Variants in RGS6 observed in about 807,000 individuals in gnomAD.
The protein encoded by RGS6 is regulator of G protein signaling 6.
In RGS6, 30 loss-of-function variants were observed where a neutral mutation model predicts 78.5. The ratio of observed to expected loss-of-function variants is 0.38; its 90% CI spans 0.29 to 0.52. The LOEUF is 0.52. Ranked by LOEUF, RGS6 falls within the 20% of genes least tolerant of loss-of-function variation. The probability of loss-of-function intolerance (pLI) is 0.85; values close to 1 mark genes in which losing one functional copy is unlikely to be tolerated. For synonymous variants in RGS6, 206 were observed against 206.0 expected (o/e 1.00, Z 0.00); for missense variants, 495 against 609.7 (o/e 0.81, Z 1.98).
chr14:72,052,759 G>A (rs2093327329), intron 2 of RGS6, among the ~76,000 whole-genome samples: 1 of 152,048 alleles, frequency 6.6e-6, no homozygotes, highest in Non-Finnish European at 1.5e-5. Flanking sequence ...GGTTTTGTAA[G>A]TAAGGAAGTG....
At chr14:72,597,881 G>C in the RGS6 span, among the ~76,000 whole-genome samples, 1 of 152,176 alleles carries the variant, frequency 6.6e-6, no homozygotes, top group Non-Finnish European at 1.5e-5. Flanking sequence ...GCTGAGAAGA[G>C]AGATGGAGGG....
chr14:72,363,996 G>A (rs847329), intron 3 of RGS6, among the ~76,000 whole-genome samples: 50,713 of 110,386 alleles, frequency 0.46, 12,321 homozygotes, highest in African/African-American at 0.73. Context: ...CAGTGGACAA[G>A]GCTAAAAAAA....
At chr14:72,618,496 C>T in the RGS6 span, among the ~76,000 whole-genome samples, 12 of 152,202 alleles carry the variant, frequency 7.9e-5, no homozygotes, top group Admixed American at 5.2e-4. Context: ...TGACTGGTCT[C>T]ACCTAAAGGA....
At chr14:72,315,238 G>A (rs750738647) in intron 2 of RGS6, among the ~76,000 whole-genome samples, 10 of 152,182 alleles carry the variant, frequency 6.6e-5, no homozygotes, top group Non-Finnish European at 1.3e-4. Flanking sequence ...GAAGCTGTGC[G>A]GGATAATTCA....
intron 2 of RGS6, among the ~76,000 whole-genome samples, chr14:72,128,810 C>A (rs561934073): frequency 6.6e-6 from 1 of 152,150 alleles, no homozygotes. Context: ...ACAACGTATG[C>A]GTGTGCATCT....
intron 2 of RGS6, among the ~76,000 whole-genome samples, chr14:72,262,304 C>T (rs563842243): frequency 3.3e-5 from 5 of 152,186 alleles, no homozygotes; most frequent in South Asian, 4.2e-4. Flanking sequence ...AGTTTATTTT[C>T]TCACAGTTCT....
At chr14:72,114,700 G>A (rs576959661) in intron 2 of RGS6, among the ~76,000 whole-genome samples, 1 of 152,300 alleles carries the variant, frequency 6.6e-6, no homozygotes. Flanking sequence ...CAGAATCAGA[G>A]TTGCAAAATA....
chr14:72,536,079 T>C, intron 15 of RGS6, 107 bp from the exon 16 acceptor site: 1 of 837,728 alleles, frequency 1.2e-6, no homozygotes, highest in Non-Finnish European at 2.0e-6. Flanking sequence ...CAAACATACC[T>C]AGGTTCCTTC....
the RGS6 span, among the ~76,000 whole-genome samples, chr14:71,872,785 C>A: frequency 7.2e-5 from 11 of 152,038 alleles, no homozygotes; most frequent in Non-Finnish European, 1.3e-4. Context: ...TAATGCTATC[C>A]CTCTCCCATT....
chr14:72,557,233 G>GTGTT (rs55681583), intron 17 of RGS6, among the ~76,000 whole-genome samples: 2 of 152,182 alleles, frequency 1.3e-5, no homozygotes, highest in African/African-American at 2.4e-5. Context: ...AATTTAAAAA[G>GTGTT]TGTTTTGAAA....
At chr14:72,103,399 A>C (rs910021283) in intron 2 of RGS6, among the ~76,000 whole-genome samples, 3 of 152,320 alleles carry the variant, frequency 2.0e-5, no homozygotes, top group African/African-American at 7.2e-5. Context: ...TATCTGTGCA[A>C]CTTAATACCC....
chr14:72,078,822 C>T (rs1314020326), intron 2 of RGS6, among the ~76,000 whole-genome samples: 1 of 152,188 alleles, frequency 6.6e-6, no homozygotes, highest in Non-Finnish European at 1.5e-5. Flanking sequence ...CCAACTTTAT[C>T]TACCCATCAC....
chr14:72,591,306 G>A, the RGS6 span, among the ~76,000 whole-genome samples: 2 of 152,178 alleles, frequency 1.3e-5, no homozygotes, highest in African/African-American at 4.8e-5. Flanking sequence ...ATTCAATTAT[G>A]TGAAACAACA....
chr14:72,502,186 T>C (rs2096735387), intron 13 of RGS6, among the ~76,000 whole-genome samples: 1 of 152,222 alleles, frequency 6.6e-6, no homozygotes, highest in Non-Finnish European at 1.5e-5. Context: ...CTGCCATGCT[T>C]GGAGAAGCCC....
chr14:71,990,145 C>T (rs915490015), intron 2 of RGS6, among the ~76,000 whole-genome samples: 21 of 152,118 alleles, frequency 1.4e-4, no homozygotes, highest in African/African-American at 5.1e-4. Flanking sequence ...AATCCCATCT[C>T]GCCAGAGTGA....
intron 17 of RGS6, chr14:72,550,356 G>A (rs2097486538): frequency 2.1e-6 from 2 of 952,000 alleles, no homozygotes; most frequent in East Asian, 2.6e-5. Flanking sequence ...GAGGGCACCT[G>A]TACTTAGTGA....
At chr14:72,236,504 G>A (rs1392549337) in intron 2 of RGS6, among the ~76,000 whole-genome samples, 1 of 152,080 alleles carries the variant, frequency 6.6e-6, no homozygotes, top group Non-Finnish European at 1.5e-5. Context: ...CCCAAGCCAA[G>A]GTACAGACAT....
chr14:72,037,340 G>C (rs150353083), intron 2 of RGS6, among the ~76,000 whole-genome samples: 101 of 152,168 alleles, frequency 6.6e-4, no homozygotes, highest in African/African-American at 2.4e-3. Flanking sequence ...TCACTCTTTG[G>C]GTCCGCACCA....
chr14:72,021,414 A>G lies in RGS6; in HGVS notation c.84+56539A>G, dbSNP rs145549853. Among the ~76,000 whole-genome samples the G allele has an allele frequency of 5.9e-4, 88 of 150,258 alleles. 1 individual carries two copies. The highest frequency in any genetic ancestry group is 3.5e-3 in the Middle Eastern group (1 of 286). ...CCATACCACACACTGGATCCTCACA[A>G]CTTGCTGATGCTATTACAATATGTT... On this transcript the variant is annotated intron_variant, in intron 2 of 17. Coordinates refer to ENST00000553525, the MANE Select transcript of RGS6 (RefSeq NM_001204424.2).
Sources: allele counts gnomAD v4.1 joint callset (sites outside exome capture counted in the v4.1 genomes callset), GRCh38; gene constraint gnomAD v4.1.1; transcripts MANE v1.5; gene names NCBI Gene and HGNC (gene_info 2026-07-23, HGNC 2026-07-21).